Variants in BNIPL observed in about 807,000 individuals in gnomAD.
BNIPL encodes BCL2 interacting protein like, also known as bcl-2/adenovirus E1B 19 kDa-interacting protein 2-like protein.
A neutral mutation model predicts 47.0 loss-of-function variants in BNIPL; 33 were observed. The observed-to-expected ratio is 0.70, with a 90% CI of 0.53 to 0.94. The LOEUF (loss-of-function observed/expected upper bound fraction) is 0.94, where lower values mean the gene tolerates loss of function less well. Among genes scored for constraint, BNIPL ranks in the 40% least tolerant of loss-of-function variants. BNIPL has a pLI of 0.00. For missense variants in BNIPL, 404 were observed against 445.2 expected (o/e 0.91, Z 0.83); for synonymous variants, 145 against 162.7 (o/e 0.89, Z 0.83).
rs1676061393 is a variant in BNIPL, at chr1:151,047,198, G to C, written c.*511G>C. On this transcript the variant is annotated 3_prime_UTR_variant, in exon 10 of 10. Coordinates refer to ENST00000368931, the MANE Select transcript of BNIPL (RefSeq NM_138278.4). The stretch of plus-strand genomic sequence containing the variant: ...GATGGTCTCGATCTCTTGACCTCGT[G>C]ATCTGCCCGCCTCGGCCTCCCAAAG... 6.5e-6 allele frequency: 1 copy of C among 153,488 alleles called. No homozygotes were observed. The highest frequency in any genetic ancestry group is 6.5e-5 in the Admixed American group (1 of 15,322). 9.5% of individuals were successfully genotyped at this position (153,488 alleles called of 1,614,324 possible). A position where few individuals can be genotyped will look rare whatever the true frequency, so the allele number is the denominator to read the frequency against.
chr1:151,042,813 CA>C (rs1675872356), intron 4 of BNIPL, 142 bp from the exon 5 acceptor site: 17 of 617,704 alleles, frequency 2.8e-5, no homozygotes, highest in East Asian at 7.5e-5. Flanking sequence ...GACTCTGTCT[CA>C]AAAAAAAGGA....
At chr1:151,044,747 G>C (rs1675946097) in intron 7 of BNIPL, 1 of 1,176,056 alleles carries the variant, frequency 8.5e-7, no homozygotes, top group Non-Finnish European at 1.1e-6. Flanking sequence ...GAGCCACTGT[G>C]CCTGGCCCTG....
At chr1:151,046,377 C>T (rs1176172517) in intron 9 of BNIPL, among the ~76,000 whole-genome samples, 1 of 151,202 alleles carries the variant, frequency 6.6e-6, no homozygotes. Flanking sequence ...AAAAAAAAAC[C>T]TATACATATA....
At position 151,046,103 on chromosome 1, in the gene BNIPL, C is replaced by T. The variant is rs771648838; in HGVS notation, c.975C>T (p.Ser325=). 1 of 1,614,144 alleles carries T rather than the reference C, an allele frequency of 6.2e-7. No individual in the cohort carries two copies. Among genetic ancestry groups the T allele is most frequent in the Non-Finnish European group, 8.5e-7 (1 of 1,180,034 alleles). The change falls in exon 9 of 10, where the codon AGC becomes AGT. Residue 325 remains serine, a synonymous_variant. Coordinates refer to ENST00000368931, the MANE Select transcript of BNIPL (RefSeq NM_138278.4). ...KFTRKIRFLD[S]LGELAQLISL... ...CACGAAAAATCCGTTTTCTGGACAG[C>T]CTGGGGGAGCTGGCCCAACTCATAT...
intron 4 of BNIPL, among the ~76,000 whole-genome samples, chr1:151,041,976 GA>G (rs1009029423): frequency 3.4e-5 from 5 of 145,574 alleles, no homozygotes; most frequent in Non-Finnish European, 7.6e-5. Flanking sequence ...CTCCATCTCA[GA>G]AAAAAAAAGG....
chr1:151,042,253 G>A (rs1675850876), intron 4 of BNIPL, among the ~76,000 whole-genome samples: 1 of 151,596 alleles, frequency 6.6e-6, no homozygotes, highest in Admixed American at 6.6e-5. Context: ...TGTTGTTGTT[G>A]TTATTGTTTT....
In BNIPL at chr1:151,043,337, C is replaced by G. The variant is rs1675897969; in HGVS notation, c.622C>G (p.His208Asp). The change falls in exon 6 of 10, where the codon CAC becomes GAC. Residue 208 changes from histidine (H) to aspartate (D), a missense_variant. His to Asp is a moderately conservative substitution (Grantham distance 81, BLOSUM62 -1). Coordinates refer to ENST00000368931, the MANE Select transcript of BNIPL (RefSeq NM_138278.4). ...TTTCCCCTTACACTCTCCAGGTTAC[C>G]ACGGTGATGGCCTCAATGCTGTCAT... ...YKKVLSHGGY[H>D]GDGLNAVILF... The G allele has an allele frequency of 6.2e-7, 1 of 1,604,594 alleles. No homozygotes were observed. The highest frequency in any genetic ancestry group is 8.5e-7 in the Non-Finnish European group (1 of 1,171,388).
At position 151,038,861 on chromosome 1, in the gene BNIPL, C is replaced by T. The variant is rs1675722858; in HGVS notation, c.268C>T (p.Pro90Ser). 1.2e-6 allele frequency: 2 copies of T among 1,613,868 alleles called. No individual in the cohort carries two copies. Among genetic ancestry groups the T allele is most frequent in the East Asian group, 2.2e-5 (1 of 44,884 alleles). Residue 90 changes from proline to serine, a missense_variant, in exon 4 of 10, where the codon CCA becomes TCA. Pro to Ser is a moderately conservative substitution (Grantham distance 74, BLOSUM62 -1). Coordinates refer to ENST00000368931, the MANE Select transcript of BNIPL (RefSeq NM_138278.4). ...QRPMRKRLSA[P>S]ELRLSLTKGP... ...CCCCATGCGCAAGCGTCTTTCTGCC[C>T]CAGAGTTGCGGCTGAGTCTGACTAA...
At chr1:151,045,743 T>C (rs1675996808) in intron 7 of BNIPL, 54 bp from the exon 8 acceptor site, 1 of 1,613,310 alleles carries the variant, frequency 6.2e-7, no homozygotes. Flanking sequence ...TTCCACGTGA[T>C]CTTCACACAT....
chr1:151,038,623 T>A (rs1039412703), intron 3 of BNIPL, 55 bp downstream of exon 3: 5 of 1,599,970 alleles, frequency 3.1e-6, no homozygotes, highest in Non-Finnish European at 4.3e-6. Flanking sequence ...AGTAAAGGGC[T>A]ATGCCACCTC....
intron 4 of BNIPL, among the ~76,000 whole-genome samples, chr1:151,041,259 A>G (rs1675816620): frequency 6.6e-6 from 1 of 152,118 alleles, no homozygotes; most frequent in Non-Finnish European, 1.5e-5. Context: ...AAAACAGACT[A>G]GAGGCAGGGA....
chr1:151,037,210 C>A, intron 1 of BNIPL: 2 of 472,086 alleles, frequency 4.2e-6, no homozygotes, highest in South Asian at 4.4e-5. Context: ...GAAAGGCAGG[C>A]CTAACTAGGT....
intron 7 of BNIPL, 80 bp downstream of exon 7, chr1:151,043,807 AGTCCTTTTCCTATTTTCTTT>A: frequency 6.8e-7 from 1 of 1,463,556 alleles, no homozygotes; most frequent in Non-Finnish European, 9.3e-7. Context: ...TCTTCCATTT[AGTCCTTTTCCTATTTTCTTT>A]GTCCTTTTAC....
At chr1:151,040,930 C>T (rs1458034850) in intron 4 of BNIPL, among the ~76,000 whole-genome samples, 2 of 151,968 alleles carry the variant, frequency 1.3e-5, no homozygotes, top group Non-Finnish European at 2.9e-5. Context: ...CCTGTAATCC[C>T]AACACTTTGG....
At chr1:151,046,285 G>A in intron 9 of BNIPL, 120 bp downstream of exon 9, 1 of 1,453,852 alleles carries the variant, frequency 6.9e-7, no homozygotes, top group Non-Finnish European at 9.1e-7. Flanking sequence ...GTTTTCGGGT[G>A]CTTTAATGTA....
At position 151,045,851 on chromosome 1, in the gene BNIPL, A is replaced by T; in HGVS notation, c.906A>T (p.Lys302Asn). The change falls in exon 8 of 10, where the codon AAA becomes AAT. Residue 302 changes from lysine (K) to asparagine (N), a missense_variant. Transcript: ENST00000368931. Reference protein sequence around the residue: ...LVVVHATWYVKAFLALLRPFI... With the variant: ...LVVVHATWYVNAFLALLRPFI... ...TTGTCCATGCTACATGGTATGTGAA[A>T]GCATTTCTGGCACTGCTTCGGCCCT... 6.2e-7 allele frequency: 1 copy of T among 1,614,204 alleles called. No individual in the cohort carries two copies. The highest frequency in any genetic ancestry group is 8.5e-7 in the Non-Finnish European group (1 of 1,180,046).
At chr1:151,038,744 G>A (rs587687799) in intron 3 of BNIPL, 52 bp from the exon 4 acceptor site, 173 of 1,551,940 alleles carry the variant, frequency 1.1e-4, no homozygotes, top group Middle Eastern at 1.8e-4. Flanking sequence ...TAGCCCTCTC[G>A]GCTCTCCAAC....
intron 9 of BNIPL, 36 bp downstream of exon 9, chr1:151,046,201 G>GGCGC: frequency 6.2e-7 from 1 of 1,612,018 alleles, no homozygotes; most frequent in Non-Finnish European, 8.5e-7. Context: ...CCTTGGGGTG[G>GGCGC]GATGTGTAAA....
Position 151,038,819 on chromosome 1 carries a change from G to T in BNIPL, c.226G>T (p.Ala76Ser). The T allele has an allele frequency of 1.9e-6, 3 of 1,604,626 alleles. No individual in the cohort carries two copies. The highest frequency in any genetic ancestry group is 2.6e-6 in the Non-Finnish European group (3 of 1,174,994). The part of the protein sequence containing the change: ...QAAAGTPSTL[A>S]LCGQRPMRKR... ...AGCTGCAGGTACCCCCAGCACTTTA[G>T]CCCTGTGTGGCCAGCGCCCCATGCG... is the stretch of plus-strand genomic sequence containing the variant. Residue 76 changes from alanine (A) to serine (S), a missense_variant, in exon 4 of 10, where the codon GCC becomes TCC. Physicochemically the swap from Ala to Ser is moderately conservative, Grantham distance 99. Coordinates refer to ENST00000368931, the MANE Select transcript of BNIPL (RefSeq NM_138278.4).
Sources: allele counts gnomAD v4.1 joint callset (sites outside exome capture counted in the v4.1 genomes callset), GRCh38; gene constraint gnomAD v4.1.1; transcripts MANE v1.5; gene names NCBI Gene and HGNC (gene_info 2026-07-23, HGNC 2026-07-21).